Variants in CPVL observed in about 807,000 individuals in gnomAD.
CPVL encodes probable serine carboxypeptidase CPVL.
Under a neutral mutation model 63.7 loss-of-function variants are expected in CPVL, and 51 were observed. The ratio of observed to expected loss-of-function variants is 0.80; its 90% CI spans 0.64 to 1.01. The LOEUF is 1.01. Ranked by LOEUF, CPVL falls within the 50% of genes least tolerant of loss-of-function variation. The probability of loss-of-function intolerance (pLI) is 0.00; values close to 1 mark genes in which losing one functional copy is unlikely to be tolerated. For synonymous variants in CPVL, 195 were observed against 206.0 expected (o/e 0.95, Z 0.46); for missense variants, 530 against 573.1 (o/e 0.92, Z 0.77).
intron 11 of CPVL, among the ~76,000 whole-genome samples, chr7:29,042,212 G>A (rs1259038453): frequency 6.6e-6 from 1 of 152,112 alleles, no homozygotes; most frequent in Admixed American, 6.5e-5. Flanking sequence ...ATCATTACAG[G>A]GGAGCAGACA....
chr7:29,025,233 G>GGTTTAATTGGCA (rs142421633), intron 12 of CPVL, among the ~76,000 whole-genome samples: 1 of 80,384 alleles, frequency 1.2e-5, no homozygotes, highest in African/African-American at 1.1e-4. Flanking sequence ...AAAGGAAAGA[G>GGTTTAATTGGCA]GTTTAATTGG....
intron 5 of CPVL, among the ~76,000 whole-genome samples, chr7:29,157,844 A>C (rs1342456401): frequency 1.3e-5 from 2 of 150,824 alleles, no homozygotes; most frequent in Non-Finnish European, 3.0e-5. Flanking sequence ...GCTAAAAAAA[A>C]AATCCTTCTA....
At chr7:29,146,408 C>A (rs1012870082) in intron 1 of CPVL, 21 bp downstream of exon 1, 1 of 961,938 alleles carries the variant, frequency 1.0e-6, no homozygotes, top group Non-Finnish European at 1.5e-6. Context: ...GCACGACCCA[C>A]GCAGGGCAGG....
intron 12 of CPVL, among the ~76,000 whole-genome samples, chr7:29,007,432 G>C (rs1174266419): frequency 6.6e-6 from 1 of 152,006 alleles, no homozygotes; most frequent in Non-Finnish European, 1.5e-5. Context: ...CAAGCTGTGT[G>C]GTTTTTAAGA....
intron 1 of CPVL, among the ~76,000 whole-genome samples, chr7:29,135,393 G>A (rs530079550): frequency 1.9e-4 from 28 of 151,108 alleles, no homozygotes; most frequent in African/African-American, 5.6e-4. Context: ...GTGCAGTGGC[G>A]CGATCTTGGC....
chr7:29,124,089 A>C (rs1333211863), intron 1 of CPVL, among the ~76,000 whole-genome samples: 3 of 152,146 alleles, frequency 2.0e-5, no homozygotes, highest in Non-Finnish European at 4.4e-5. Context: ...CTTAGCTGTT[A>C]TCTCTCCTTA....
intron 5 of CPVL, among the ~76,000 whole-genome samples, chr7:29,172,475 T>A (rs1345468758): frequency 6.6e-6 from 1 of 152,156 alleles, no homozygotes; most frequent in African/African-American, 2.4e-5. Flanking sequence ...CCAAAAAAAA[T>A]TATTAAAAAT....
At chr7:29,166,010 A>C (rs1430890726) in intron 5 of CPVL, among the ~76,000 whole-genome samples, 2 of 151,968 alleles carry the variant, frequency 1.3e-5, no homozygotes, top group Non-Finnish European at 2.9e-5. Context: ...GGCTTCATAG[A>C]TTGAGTTGCA....
At chr7:29,069,274 T>C (rs1176279875) in intron 9 of CPVL, among the ~76,000 whole-genome samples, 1 of 151,488 alleles carries the variant, frequency 6.6e-6, no homozygotes, top group African/African-American at 2.4e-5. Context: ...AACCCGTCTC[T>C]ACTAAAAATA....
intron 5 of CPVL, among the ~76,000 whole-genome samples, chr7:29,159,110 C>A (rs1333907717): frequency 6.6e-6 from 1 of 152,172 alleles, no homozygotes; most frequent in African/African-American, 2.4e-5. Context: ...TCCTAATGGG[C>A]TACACAGCAC....
chr7:28,997,779 A>ATT (rs1784232627), intron 12 of CPVL, among the ~76,000 whole-genome samples: 1 of 152,220 alleles, frequency 6.6e-6, no homozygotes. Context: ...TTCACCTCTC[A>ATT]ATAGCCCTCT....
intron 5 of CPVL, among the ~76,000 whole-genome samples, chr7:29,177,231 T>C (rs1455394846): frequency 1.1e-5 from 1 of 91,626 alleles, no homozygotes; most frequent in African/African-American, 5.4e-5. Flanking sequence ...TTTCTTTTTT[T>C]GTTTTATTTT....
At chr7:29,040,483 T>A (rs1337411783) in intron 11 of CPVL, among the ~76,000 whole-genome samples, 1 of 152,164 alleles carries the variant, frequency 6.6e-6, no homozygotes, top group Non-Finnish European at 1.5e-5. Context: ...TTCCTGGTAA[T>A]TGTGCAGAGT....
intron 11 of CPVL, among the ~76,000 whole-genome samples, chr7:29,035,969 A>G (rs1429851077): frequency 1.3e-5 from 2 of 152,180 alleles, no homozygotes. Flanking sequence ...GTTCATTGAT[A>G]AGTCTACTCA....
intron 11 of CPVL, among the ~76,000 whole-genome samples, chr7:29,042,687 A>G (rs317763): frequency 0.84 from 127,363 of 151,802 alleles, 54,128 homozygotes; most frequent in African/African-American, 0.96. Context: ...ATTATGAAGA[A>G]AGGGAAAAAA....
At chr7:29,073,670 CTTTCCTAAGTA>C (rs1431956728) in intron 7 of CPVL, among the ~76,000 whole-genome samples, 1 of 152,154 alleles carries the variant, frequency 6.6e-6, no homozygotes, top group Non-Finnish European at 1.5e-5. Flanking sequence ...TATATTTTTT[CTTTCCTAAGTA>C]TTTCCTTAAT....
intron 5 of CPVL, among the ~76,000 whole-genome samples, chr7:29,174,139 C>A (rs35313957): frequency 1.3e-5 from 2 of 151,794 alleles, no homozygotes; most frequent in South Asian, 2.1e-4. Context: ...GAGACCCCCC[C>A]GTTTGGTGGC....
At chr7:29,169,082 T>G (rs1467639342) in intron 5 of CPVL, among the ~76,000 whole-genome samples, 1 of 147,218 alleles carries the variant, frequency 6.8e-6, no homozygotes, top group Non-Finnish European at 1.5e-5. Flanking sequence ...TATAAGAAAT[T>G]TATCTCCCAT....
chr7:29,092,580 TG>T, intron 6 of CPVL, 42 bp downstream of exon 6: 1 of 1,364,386 alleles, frequency 7.3e-7, no homozygotes, highest in Non-Finnish European at 1.0e-6. Context: ...GATAGAAAAA[TG>T]TTTGGTCTTA....
Sources: allele counts gnomAD v4.1 joint callset (sites outside exome capture counted in the v4.1 genomes callset), GRCh38; gene constraint gnomAD v4.1.1; transcripts MANE v1.5; gene names NCBI Gene and HGNC (gene_info 2026-07-23, HGNC 2026-07-21).